The following CHRM3 variants were observed in gnomAD, a reference collection of about 807,000 sequenced individuals.
CHRM3 encodes the protein cholinergic receptor muscarinic 3, also known as muscarinic acetylcholine receptor M3.
CHRM3 carries 11 observed loss-of-function variants against 41.8 expected under a neutral mutation model. The observed-to-expected ratio is 0.26, with a 90% CI of 0.17 to 0.44. CHRM3 has a LOEUF of 0.44. CHRM3 is among the 20% of genes least tolerant of loss of function. The pLI, the probability that CHRM3 is intolerant of heterozygous loss-of-function variation, is 1.00. For synonymous variants in CHRM3, 297 were observed against 301.4 expected (o/e 0.99, Z 0.15); for missense variants, 571 against 745.4 (o/e 0.77, Z 2.72).
chr1:239,801,857 T>TC (rs1670246148), intron 5 of CHRM3, among the ~76,000 whole-genome samples: 1 of 152,100 alleles, frequency 6.6e-6, no homozygotes, highest in Non-Finnish European at 1.5e-5. Context: ...TTGTAGCATT[T>TC]CCCCACACAT....
intron 1 of CHRM3, among the ~76,000 whole-genome samples, chr1:239,406,706 G>C (rs1246530007): frequency 2.0e-5 from 3 of 152,156 alleles, no homozygotes; most frequent in African/African-American, 7.2e-5. Flanking sequence ...AATGCCCACT[G>C]ACCCTTTACA....
Position 239,778,794 on chromosome 1 carries a change from G to A in CHRM3, c.-146-48458G>A, listed in dbSNP as rs753942321. ...CTGTAATTCCTCTCTTTGGAGCCAC[G>A]ATTACAGGGGATGCCAGGTCCTATT... On this transcript the variant is annotated intron_variant, in intron 5 of 6. Transcript: ENST00000676153. 6.0e-4 allele frequency among the ~76,000 whole-genome samples: 92 copies of A among 152,258 alleles called. 1 individual carries two copies. The highest frequency in any genetic ancestry group is 6.8e-3 in the Middle Eastern group (2 of 294).
At chr1:239,652,329 G>A (rs1441886566) in intron 4 of CHRM3, among the ~76,000 whole-genome samples, 2 of 152,090 alleles carry the variant, frequency 1.3e-5, no homozygotes, top group Non-Finnish European at 2.9e-5. Flanking sequence ...AGAAATGTGG[G>A]CCTTAAAGCA....
At chr1:239,758,742 TTC>T (rs1666445478) in intron 5 of CHRM3, among the ~76,000 whole-genome samples, 1 of 152,244 alleles carries the variant, frequency 6.6e-6, no homozygotes, top group African/African-American at 2.4e-5. Flanking sequence ...TAAGATATTT[TTC>T]CCCCTTAGAA....
chr1:239,615,739 T>C (rs1007675401), intron 3 of CHRM3, among the ~76,000 whole-genome samples: 2 of 151,966 alleles, frequency 1.3e-5, no homozygotes, highest in African/African-American at 4.8e-5. Flanking sequence ...TCATAGTGCC[T>C]CATCCTGGAT....
At chr1:239,857,728 C>T (rs1675237382) in intron 6 of CHRM3, among the ~76,000 whole-genome samples, 1 of 152,046 alleles carries the variant, frequency 6.6e-6, no homozygotes, top group African/African-American at 2.4e-5. Context: ...CAGAAAGAGA[C>T]CTGGAAGGGA....
chr1:239,908,709 T>G lies in CHRM3; in HGVS notation c.1258T>G (p.Phe420Val). 2 of 1,612,848 alleles carry G rather than the reference T, an allele frequency of 1.2e-6. No individual in the cohort carries two copies. The highest frequency in any genetic ancestry group is 8.5e-7 in the Non-Finnish European group (1 of 1,179,566). Residue 420 changes from phenylalanine (F) to valine (V), a missense_variant, in exon 7 of 7, where the codon TTT becomes GTT. Around this residue, in one of 5 missense-constraint regions of CHRM3, gnomAD observed 239 missense variants for 239.6 expected, o/e 1.00. Transcript: ENST00000676153. The surrounding 1 kb of genome is among the most constrained non-coding windows in gnomAD (Gnocchi z 7.2). ...GAAGAGCGTGGACGATGGAGGCAGT[T>G]TTCCAAAAAGCTTCTCCAAGCTTCC... ...AQKSVDDGGS[F>V]PKSFSKLPIQ...
chr1:239,874,287 A>ATATATATATATACATATCTATATACACAG (rs1676864180), intron 6 of CHRM3, among the ~76,000 whole-genome samples: 4 of 63,906 alleles, frequency 6.3e-5, no homozygotes, highest in African/African-American at 3.6e-4. Context: ...TATACACAGT[A>ATATATATATATACATATCTATATACACAG]TATATATATA....
chr1:239,485,453 T>C (rs1667125700), intron 1 of CHRM3, among the ~76,000 whole-genome samples: 1 of 152,152 alleles, frequency 6.6e-6, no homozygotes, highest in African/African-American at 2.4e-5. Context: ...TGGCTAATTT[T>C]TTAAATGTTT....
chr1:239,793,251 G>C (rs1669493183), intron 5 of CHRM3, among the ~76,000 whole-genome samples: 1 of 152,158 alleles, frequency 6.6e-6, no homozygotes, highest in African/African-American at 2.4e-5. Context: ...ATTTAATGTA[G>C]TTTTACCTTT....
At chr1:239,846,194 G>A (rs772039949) in intron 6 of CHRM3, among the ~76,000 whole-genome samples, 21 of 151,594 alleles carry the variant, frequency 1.4e-4, no homozygotes, top group African/African-American at 3.9e-4. Context: ...TTTTCTTTCC[G>A]ACATAGATGG....
At chr1:239,804,376 A>G (rs948121125) in intron 5 of CHRM3, among the ~76,000 whole-genome samples, 1 of 151,974 alleles carries the variant, frequency 6.6e-6, no homozygotes, top group African/African-American at 2.4e-5. Context: ...GTGGACTGCA[A>G]TGTGGAAGTT....
At position 239,676,844 on chromosome 1, in the gene CHRM3, T is replaced by C. The variant is rs1571950195; in HGVS notation, c.-249-1342T>C. Among the ~76,000 whole-genome samples, 4 of 152,338 alleles carry C rather than the reference T, an allele frequency of 2.6e-5. 1 individual carries two copies. Among genetic ancestry groups the C allele is most frequent in the Admixed American group, 2.6e-4 (4 of 15,300 alleles). On this transcript the variant is annotated intron_variant, in intron 4 of 6. Transcript: ENST00000676153. ...TCTGAAAATTCTTGGGGTGTATGCT[T>C]TCATTTGTACAGTTAATCTGATTTG...
At chr1:239,503,666 T>C (rs1668386946) in intron 2 of CHRM3, among the ~76,000 whole-genome samples, 1 of 152,164 alleles carries the variant, frequency 6.6e-6, no homozygotes. Flanking sequence ...TTTCCAACTA[T>C]ACTATAAGGC....
At chr1:239,849,205 C>T (rs1558177225) in intron 6 of CHRM3, among the ~76,000 whole-genome samples, 1 of 152,142 alleles carries the variant, frequency 6.6e-6, no homozygotes, top group Non-Finnish European at 1.5e-5. Context: ...AAAATCTGGG[C>T]TGTTTTTAGC....
At chr1:239,420,945 C>A (rs2103099621) in intron 1 of CHRM3, among the ~76,000 whole-genome samples, 1 of 152,174 alleles carries the variant, frequency 6.6e-6, no homozygotes, top group African/African-American at 2.4e-5. Flanking sequence ...AAATCTCTTA[C>A]AAGTGATTCT....
intron 5 of CHRM3, among the ~76,000 whole-genome samples, chr1:239,745,462 G>A (rs1484873832): frequency 6.6e-6 from 1 of 151,850 alleles, no homozygotes; most frequent in East Asian, 1.9e-4. Context: ...TTTCCAAAGG[G>A]ACCAATAGTG....
At chr1:239,545,602 C>T (rs975038699) in intron 2 of CHRM3, 39 bp from the exon 3 acceptor site, 1 of 152,068 alleles carries the variant, frequency 6.6e-6, no homozygotes, top group African/African-American at 2.4e-5. Context: ...TGAGATCATC[C>T]TTACTGACCG....
rs553846609 is a variant in CHRM3 at position 239,771,213 on chromosome 1, C to T, written c.-146-56039C>T. Among the ~76,000 whole-genome samples, 12 of 152,250 alleles carry T rather than the reference C, an allele frequency of 7.9e-5. 1 individual carries two copies. The South Asian group carries it at 2.5e-3, about 32-fold the overall frequency. ...TTTAATCTCAGAAGCATGTTAGCCG[C>T]CCTCTCCCTTCTTCATTTCATCCAA... On this transcript the variant is annotated intron_variant, in intron 5 of 6. Coordinates refer to ENST00000676153, the MANE Select transcript of CHRM3 (RefSeq NM_001375978.1).
Sources: gnomAD v4.1 joint callset for allele counts (sites outside exome capture counted in the v4.1 genomes callset) on GRCh38, gnomAD v4.1.1 for gene constraint, gnomAD v4.1.1 regional missense constraint, Gnocchi (gnomAD v3.1) non-coding constraint, MANE v1.5 for transcripts, NCBI Gene and HGNC (gene_info 2026-07-23, HGNC 2026-07-21) for gene names.